ADARB2: variants seen among roughly 807,000 people sequenced by gnomAD.
ADARB2 encodes adenosine deaminase RNA specific B2 (inactive), also known as inactive double-stranded RNA-specific editase B2.
Under a neutral mutation model 62.2 loss-of-function variants are expected in ADARB2, and 25 were observed. The observed-to-expected ratio is 0.40, with a 90% CI of 0.29 to 0.56. ADARB2 has a LOEUF of 0.56. Ranked by LOEUF, ADARB2 falls within the 20% of genes least tolerant of loss-of-function variation. The probability of loss-of-function intolerance (pLI) is 0.43; values close to 1 mark genes in which losing one functional copy is unlikely to be tolerated. For synonymous variants in ADARB2, 572 were observed against 500.8 expected, an observed-to-expected ratio of 1.14 and a Z score of -1.90; for missense variants, 1,071 against 1,077.4, an observed-to-expected ratio of 0.99 and a Z score of 0.08.
intron 7 of ADARB2, among the ~76,000 whole-genome samples, chr10:1,212,482 G>A (rs920926673): frequency 7.2e-5 from 11 of 152,226 alleles, no homozygotes; most frequent in African/African-American, 2.4e-4. Context: ...GCCTGGCCCA[G>A]AGCAGAGGCT....
chr10:1,608,959 A>T (rs1003596430), intron 1 of ADARB2, among the ~76,000 whole-genome samples: 5 of 151,984 alleles, frequency 3.3e-5, no homozygotes, highest in African/African-American at 1.2e-4. Flanking sequence ...TTGCAGCAAC[A>T]CCACATTAAA....
chr10:1,334,732 T>A (rs1011818128), intron 3 of ADARB2, among the ~76,000 whole-genome samples: 1 of 128,604 alleles, frequency 7.8e-6, no homozygotes, highest in Non-Finnish European at 1.7e-5. Flanking sequence ...AGCCTCTTAT[T>A]TTAATGTTTG....
At chr10:1,247,870 C>T (rs1205089022) in intron 4 of ADARB2, among the ~76,000 whole-genome samples, 1 of 152,162 alleles carries the variant, frequency 6.6e-6, no homozygotes, top group Non-Finnish European at 1.5e-5. Flanking sequence ...GTATTTGGGG[C>T]TGTGTCAACC....
At chr10:1,325,677 C>T (rs1025721598) in intron 3 of ADARB2, among the ~76,000 whole-genome samples, 5 of 152,290 alleles carry the variant, frequency 3.3e-5, no homozygotes, top group East Asian at 3.9e-4. Context: ...GTTCACCAGG[C>T]GGTTGTGAGA....
rs7917875 is a variant in ADARB2 at position 1,309,247 on chromosome 10, T to C, written c.1078-38178A>G. Among the ~76,000 whole-genome samples the C allele has an allele frequency of 6.8e-3, 1,030 of 152,326 alleles. 4 individuals are homozygous for C. Among genetic ancestry groups the C allele is most frequent in the Non-Finnish European group, 8.2e-3 (555 of 68,030 alleles). ...GTTGGGTATTGAGCACCAAACTTCA[T>C]CCAGAAAGAAATGTGCCATTGCTGG... On this transcript the variant is annotated intron_variant, in intron 3 of 9. Coordinates refer to ENST00000381312, the MANE Select transcript of ADARB2 (RefSeq NM_018702.4).
chr10:1,354,873 G>A (rs1367244044), intron 3 of ADARB2, among the ~76,000 whole-genome samples: 2 of 152,220 alleles, frequency 1.3e-5, no homozygotes, highest in Non-Finnish European at 2.9e-5. Context: ...GGAGGCTGTA[G>A]GCTCTCTGCT....
chr10:1,326,786 T>TCCCCACGGCCCAGCGCCTCCCCACG (rs1831853297), intron 3 of ADARB2, among the ~76,000 whole-genome samples: 2 of 54,378 alleles, frequency 3.7e-5, no homozygotes, highest in African/African-American at 1.1e-4. Context: ...CCCTCCTCAC[T>TCCCCACGGCCCAGCGCCTCCCCACG]GCCCAGCGCC....
At chr10:1,664,126 A>T (rs1834284366) in intron 1 of ADARB2, among the ~76,000 whole-genome samples, 1 of 151,268 alleles carries the variant, frequency 6.6e-6, no homozygotes, top group Admixed American at 6.6e-5. Context: ...CCGCGTTTCC[A>T]TGCCTGTTGG....
At chr10:1,695,774 C>A (rs563254358) in intron 1 of ADARB2, among the ~76,000 whole-genome samples, 1 of 152,140 alleles carries the variant, frequency 6.6e-6, no homozygotes, top group East Asian at 1.9e-4. Flanking sequence ...GTAGGTGTGT[C>A]TGTGCATACA....
intron 1 of ADARB2, among the ~76,000 whole-genome samples, chr10:1,491,036 C>T (rs1359310401): frequency 1.3e-5 from 2 of 152,132 alleles, no homozygotes; most frequent in African/African-American, 2.4e-5. Flanking sequence ...GCAGTCCTCA[C>T]AATTTTATAA....
intron 1 of ADARB2, among the ~76,000 whole-genome samples, chr10:1,462,806 T>C (rs1056220423): frequency 6.7e-6 from 1 of 149,186 alleles, no homozygotes; most frequent in African/African-American, 2.6e-5. Flanking sequence ...TGTATGTACA[T>C]GTGTGTGTCT....
At chr10:1,302,845 CAGAA>C in intron 3 of ADARB2, among the ~76,000 whole-genome samples, 1 of 152,202 alleles carries the variant, frequency 6.6e-6, no homozygotes, top group Non-Finnish European at 1.5e-5. Context: ...AACTAACAAA[CAGAA>C]AGGACATCCA....
intron 1 of ADARB2, among the ~76,000 whole-genome samples, chr10:1,528,698 G>T (rs1035023743): frequency 6.6e-6 from 1 of 152,192 alleles, no homozygotes. Context: ...TCCTGGACAG[G>T]TGATGCCCTT....
intron 1 of ADARB2, among the ~76,000 whole-genome samples, chr10:1,447,245 C>T (rs1830981064): frequency 6.6e-6 from 1 of 152,224 alleles, no homozygotes; most frequent in Non-Finnish European, 1.5e-5. Flanking sequence ...CAGGACACAG[C>T]TTCTGGCTCC....
At chr10:1,224,681 G>T (rs568889196) in intron 6 of ADARB2, among the ~76,000 whole-genome samples, 4 of 152,254 alleles carry the variant, frequency 2.6e-5, no homozygotes, top group East Asian at 3.9e-4. Flanking sequence ...ATTTCATTAT[G>T]TACCCAGTAG....
At chr10:1,293,465 T>A (rs1831496318) in intron 3 of ADARB2, among the ~76,000 whole-genome samples, 1 of 152,184 alleles carries the variant, frequency 6.6e-6, no homozygotes, top group African/African-American at 2.4e-5. Context: ...TAAAAGCTAT[T>A]AATCAGTTTT....
chr10:1,549,420 T>G (rs189718165), intron 1 of ADARB2, among the ~76,000 whole-genome samples: 3 of 151,910 alleles, frequency 2.0e-5, no homozygotes, highest in Admixed American at 6.5e-5. Context: ...ATTCCAAAGG[T>G]ATATTTGTGG....
At chr10:1,380,776 G>C (rs1043993933) in intron 1 of ADARB2, among the ~76,000 whole-genome samples, 1 of 152,226 alleles carries the variant, frequency 6.6e-6, no homozygotes, top group Non-Finnish European at 1.5e-5. Context: ...CTAAACCCTT[G>C]CAGCCGAAGC....
chr10:1,279,096 G>T (rs1160784980), intron 3 of ADARB2, among the ~76,000 whole-genome samples: 3 of 152,184 alleles, frequency 2.0e-5, no homozygotes, highest in African/African-American at 4.8e-5. Context: ...TGCCGTAAAA[G>T]AATACCATAG....
Sources: gnomAD v4.1 joint callset for allele counts (sites outside exome capture counted in the v4.1 genomes callset) on GRCh38, gnomAD v4.1.1 for gene constraint, MANE v1.5 for transcripts, NCBI Gene and HGNC (gene_info 2026-07-23, HGNC 2026-07-21) for gene names.